The following MYO10 variants were observed in gnomAD, a reference collection of about 807,000 sequenced individuals.
The protein encoded by MYO10 is unconventional myosin-X.
A neutral mutation model predicts 257.3 loss-of-function variants in MYO10; 133 were observed. The ratio of observed to expected loss-of-function variants is 0.52; its 90% CI spans 0.45 to 0.60. The LOEUF (loss-of-function observed/expected upper bound fraction) is 0.60. Among genes scored for constraint, MYO10 ranks in the 20% least tolerant of loss-of-function variants. The pLI is 0.00. For synonymous variants in MYO10, 1,104 were observed against 1,028.6 expected (o/e 1.07, Z -1.40); for missense variants, 2,399 against 2,635.7 (o/e 0.91, Z 1.97).
intron 40 of MYO10, among the ~76,000 whole-genome samples, chr5:16,667,292 C>T (rs949734873): frequency 6.6e-6 from 1 of 152,174 alleles, no homozygotes; most frequent in Non-Finnish European, 1.5e-5. Flanking sequence ...CCAGCTTCTG[C>T]TCCACACCAG....
Position 16,681,427 on chromosome 5 carries a change from G to A in MYO10, c.4266C>T (p.Thr1422=), listed in dbSNP as rs1330312487. Residue 1422 remains threonine, a synonymous_variant, in exon 32 of 41, where the codon ACC becomes ACT. Coordinates refer to ENST00000513610, the MANE Select transcript of MYO10 (RefSeq NM_012334.3). ...LKLKKRWFVL[T]HNSLDYYKSS... is the part of the protein sequence containing the mutation. ...TCTTGTAGTAATCCAGGGAATTGTG[G>A]GTGAGTACAAACCACCGTTTCTTCA... 6.2e-7 allele frequency: 1 copy of A among 1,613,724 alleles called. No homozygotes were observed. The highest frequency in any genetic ancestry group is 1.3e-5 in the African/African-American group (1 of 74,866).
At chr5:16,859,865 A>C (rs1380480811) in intron 2 of MYO10, among the ~76,000 whole-genome samples, 1 of 149,954 alleles carries the variant, frequency 6.7e-6, no homozygotes, top group Admixed American at 6.7e-5. Flanking sequence ...TCCCTGGCCC[A>C]CCCCCACCCA....
At chr5:16,718,054 C>A (rs1738957025) in intron 19 of MYO10, among the ~76,000 whole-genome samples, 1 of 152,144 alleles carries the variant, frequency 6.6e-6, no homozygotes, top group Non-Finnish European at 1.5e-5. Flanking sequence ...GAGCAGCCAG[C>A]CAGCCCTGCT....
intron 1 of MYO10, among the ~76,000 whole-genome samples, chr5:16,888,942 G>A (rs1334839617): frequency 2.0e-5 from 3 of 152,092 alleles, no homozygotes; most frequent in Non-Finnish European, 2.9e-5. Flanking sequence ...AGAGGCTGAG[G>A]TGGGAGGATC....
intron 2 of MYO10, among the ~76,000 whole-genome samples, chr5:16,861,255 T>C (rs979002879): frequency 8.9e-6 from 1 of 112,206 alleles, no homozygotes; most frequent in Non-Finnish European, 1.8e-5. Flanking sequence ...CCTACAGCAA[T>C]AAAAAAAAAA....
chr5:16,859,895 G>A (rs1162221154), intron 2 of MYO10, among the ~76,000 whole-genome samples: 1 of 151,896 alleles, frequency 6.6e-6, no homozygotes, highest in Non-Finnish European at 1.5e-5. Flanking sequence ...CCTTCCTTCA[G>A]GCCCCAATTC....
At chr5:16,684,119 G>A (rs534020052) in intron 29 of MYO10, among the ~76,000 whole-genome samples, 184 bp from the exon 30 acceptor site, 11 of 152,268 alleles carry the variant, frequency 7.2e-5, no homozygotes, top group Non-Finnish European at 1.3e-4. Context: ...TCTACACGGA[G>A]CAGAATCTAT....
intron 1 of MYO10, among the ~76,000 whole-genome samples, chr5:16,883,433 G>T (rs1032596273): frequency 6.6e-6 from 1 of 152,134 alleles, no homozygotes; most frequent in African/African-American, 2.4e-5. Flanking sequence ...GACTAGAGGG[G>T]CTAACAGACC....
chr5:16,875,167 C>T (rs2560854), intron 2 of MYO10, among the ~76,000 whole-genome samples: 2,377 of 152,250 alleles, frequency 0.016, 32 homozygotes, highest in African/African-American at 0.037. Flanking sequence ...ACAGCCAAAC[C>T]ATATCAAGTG....
chr5:16,731,368 A>T (rs188340413), intron 19 of MYO10, among the ~76,000 whole-genome samples: 4 of 145,208 alleles, frequency 2.8e-5, no homozygotes, highest in Non-Finnish European at 4.5e-5. Flanking sequence ...TTTAAGATGG[A>T]GTCTCACTCT....
intron 19 of MYO10, among the ~76,000 whole-genome samples, chr5:16,727,942 T>C (rs1204384902): frequency 6.6e-6 from 1 of 151,966 alleles, no homozygotes; most frequent in Non-Finnish European, 1.5e-5. Context: ...CTCTCCAGTG[T>C]TTAGTACAAG....
At chr5:16,789,277 C>T (rs1741685184) in intron 4 of MYO10, among the ~76,000 whole-genome samples, 1 of 152,248 alleles carries the variant, frequency 6.6e-6, no homozygotes, top group Non-Finnish European at 1.5e-5. Context: ...AAAATATACA[C>T]TCTTTGGCTC....
intron 2 of MYO10, among the ~76,000 whole-genome samples, chr5:16,876,891 T>C (rs375552056): frequency 6.6e-6 from 1 of 152,140 alleles, no homozygotes; most frequent in Non-Finnish European, 1.5e-5. Context: ...CAAATTAATA[T>C]GTTGAATTCC....
At chr5:16,670,033 T>C (rs1408686287) in intron 39 of MYO10, among the ~76,000 whole-genome samples, 1 of 152,160 alleles carries the variant, frequency 6.6e-6, no homozygotes, top group African/African-American at 2.4e-5. Context: ...AGACAATTAG[T>C]AAGATTTCTT....
At chr5:16,693,947 T>C (rs1041133721) in intron 27 of MYO10, among the ~76,000 whole-genome samples, 2 of 152,300 alleles carry the variant, frequency 1.3e-5, no homozygotes, top group Non-Finnish European at 2.9e-5. Context: ...AGAGAAGTGA[T>C]TTATTTCGGA....
chr5:16,907,175 G>A lies in MYO10; in HGVS notation c.21+28613C>T, dbSNP rs57847841. 7.7e-3 allele frequency among the ~76,000 whole-genome samples: 1,173 copies of A among 152,118 alleles called. 18 individuals carry two copies. Among genetic ancestry groups the A allele is most frequent in the African/African-American group, 0.027 (1,109 of 41,524 alleles). Reference sequence around the variant, plus strand: ...ATATTCAGGAACCCACAAGAACATCGCCATTTCTGGTAGCCACTTGAAACA... The same window carrying A: ...ATATTCAGGAACCCACAAGAACATCACCATTTCTGGTAGCCACTTGAAACA... On this transcript the variant is annotated intron_variant, in intron 1 of 40. Coordinates refer to ENST00000513610, the MANE Select transcript of MYO10 (RefSeq NM_012334.3).
chr5:16,726,032 C>T lies in MYO10; in HGVS notation c.1930-14787G>A, dbSNP rs543263077. ...ACTTCTGACCTCAAGGTGATCCACC[C>T]GCCTCAGCCTCCCAAAGTGCTGGGA... On this transcript the variant is annotated intron_variant, in intron 19 of 40. Coordinates refer to ENST00000513610, the MANE Select transcript of MYO10 (RefSeq NM_012334.3). 3.3e-5 allele frequency among the ~76,000 whole-genome samples: 5 copies of T among 152,184 alleles called. No homozygotes were observed. The East Asian group carries it at 5.8e-4, about 18-fold the overall frequency.
intron 4 of MYO10, among the ~76,000 whole-genome samples, chr5:16,784,832 G>A (rs750435309): frequency 1.2e-4 from 19 of 152,170 alleles, no homozygotes; most frequent in Non-Finnish European, 2.5e-4. Context: ...CAGAGATGAC[G>A]CCAACATGCC....
chr5:16,749,855 A>G (rs1257748048), intron 19 of MYO10, among the ~76,000 whole-genome samples: 3 of 152,296 alleles, frequency 2.0e-5, no homozygotes, highest in Non-Finnish European at 2.9e-5. Flanking sequence ...CCCTTCTTTA[A>G]TTCTGCCCTG....
Sources: gnomAD v4.1 joint callset for allele counts (sites outside exome capture counted in the v4.1 genomes callset) on GRCh38, gnomAD v4.1.1 for gene constraint, MANE v1.5 for transcripts, NCBI Gene and HGNC (gene_info 2026-07-23, HGNC 2026-07-21) for gene names.